The following PRKG1 variants were observed in gnomAD, a reference collection of about 807,000 sequenced individuals.
PRKG1 encodes cGMP-dependent protein kinase 1.
Under a neutral mutation model 88.1 loss-of-function variants are expected in PRKG1, and 35 were observed. The ratio of observed to expected loss-of-function variants is 0.40; its 90% CI spans 0.30 to 0.53. PRKG1 has a LOEUF of 0.53. Ranked by LOEUF, PRKG1 falls within the 20% of genes least tolerant of loss-of-function variation. The pLI, the probability that PRKG1 is intolerant of heterozygous loss-of-function variation, is 0.59. For synonymous variants in PRKG1, 303 were observed against 292.5 expected (o/e 1.04, Z -0.37); for missense variants, 540 against 839.8 (o/e 0.64, Z 4.41).
At chr10:51,923,387 A>G (rs1318332186) in intron 5 of PRKG1, among the ~76,000 whole-genome samples, 1 of 151,556 alleles carries the variant, frequency 6.6e-6, no homozygotes, top group Non-Finnish European at 1.5e-5. Context: ...TCAAATTTAA[A>G]GTAGTTATAG....
chr10:51,892,725 C>T (rs530532325), intron 4 of PRKG1, among the ~76,000 whole-genome samples: 54 of 152,292 alleles, frequency 3.5e-4, no homozygotes, highest in African/African-American at 1.1e-3. Context: ...AGATGATAAA[C>T]GTTCTGCAGT....
intron 3 of PRKG1, among the ~76,000 whole-genome samples, chr10:51,743,534 G>A (rs1225572481): frequency 1.3e-5 from 2 of 150,826 alleles, no homozygotes; most frequent in South Asian, 4.2e-4. Flanking sequence ...AGCCCAAGGT[G>A]GGATATATTT....
At chr10:51,719,491 C>T (rs1841963449) in intron 3 of PRKG1, among the ~76,000 whole-genome samples, 1 of 152,066 alleles carries the variant, frequency 6.6e-6, no homozygotes, top group Non-Finnish European at 1.5e-5. Flanking sequence ...ATTAATGTTC[C>T]TCAGAACTGT....
intron 3 of PRKG1, among the ~76,000 whole-genome samples, chr10:51,595,587 G>A (rs541982797): frequency 2.6e-5 from 4 of 151,836 alleles, no homozygotes; most frequent in Admixed American, 1.3e-4. Context: ...CTGAGATTGT[G>A]CCACTGCAGT....
chr10:52,121,270 T>C (rs1847814063), intron 7 of PRKG1, among the ~76,000 whole-genome samples: 1 of 152,164 alleles, frequency 6.6e-6, no homozygotes, highest in African/African-American at 2.4e-5. Flanking sequence ...CCTGAACATA[T>C]CTGAAATGCC....
chr10:52,042,285 A>G (rs1196340811), intron 5 of PRKG1, among the ~76,000 whole-genome samples: 1 of 152,232 alleles, frequency 6.6e-6, no homozygotes, highest in Non-Finnish European at 1.5e-5. Flanking sequence ...TTAAGCAAAA[A>G]GAACAAAGCT....
intron 3 of PRKG1, among the ~76,000 whole-genome samples, chr10:51,602,539 C>T (rs577536302): frequency 1.8e-4 from 28 of 151,896 alleles, no homozygotes; most frequent in South Asian, 1.0e-3. Flanking sequence ...TGACCTCCTG[C>T]GTCAGCCTCG....
At chr10:51,804,497 A>G in intron 3 of PRKG1, 88 bp from the exon 4 acceptor site, 1 of 837,510 alleles carries the variant, frequency 1.2e-6, no homozygotes, top group Non-Finnish European at 2.0e-6. Flanking sequence ...ATTCTCATGA[A>G]TAGCTCATCT....
At chr10:51,664,184 G>A (rs1422536935) in intron 3 of PRKG1, among the ~76,000 whole-genome samples, 2 of 151,978 alleles carry the variant, frequency 1.3e-5, no homozygotes, top group East Asian at 3.9e-4. Flanking sequence ...AATAATTTCA[G>A]GACCACTAAG....
At chr10:51,459,621 T>C (rs116404451) in intron 2 of PRKG1, among the ~76,000 whole-genome samples, 408 of 152,288 alleles carry the variant, frequency 2.7e-3, no homozygotes, top group African/African-American at 9.3e-3. Context: ...GATACTATTA[T>C]CCCAAATATG....
chr10:51,460,136 C>A (rs185013943), intron 2 of PRKG1, among the ~76,000 whole-genome samples: 6 of 152,140 alleles, frequency 3.9e-5, no homozygotes, highest in African/African-American at 1.4e-4. Flanking sequence ...TGCCAGAGGA[C>A]CCCCTGGTTG....
At chr10:51,013,796 G>C (rs979768860) in intron 1 of PRKG1, among the ~76,000 whole-genome samples, 2 of 152,224 alleles carry the variant, frequency 1.3e-5, no homozygotes, top group African/African-American at 4.8e-5. Flanking sequence ...AACAAGTTAA[G>C]TTATAAAGGA....
intron 10 of PRKG1, among the ~76,000 whole-genome samples, chr10:52,260,375 G>A (rs1434233893): frequency 6.6e-6 from 1 of 152,000 alleles, no homozygotes; most frequent in Admixed American, 6.6e-5. Context: ...TATTTCAAAA[G>A]TATAACTGCA....
chr10:51,104,503 C>T (rs1244743631), intron 1 of PRKG1, among the ~76,000 whole-genome samples: 1 of 152,002 alleles, frequency 6.6e-6, no homozygotes, highest in African/African-American at 2.4e-5. Flanking sequence ...ATTTTTGATG[C>T]TTCTGAATAA....
At chr10:51,629,382 A>G (rs1280809380) in intron 3 of PRKG1, among the ~76,000 whole-genome samples, 2 of 151,952 alleles carry the variant, frequency 1.3e-5, no homozygotes, top group African/African-American at 4.8e-5. Flanking sequence ...ATAATACAAT[A>G]GTTATACAAC....
chr10:51,043,977 A>G (rs1256204676), intron 1 of PRKG1, among the ~76,000 whole-genome samples: 1 of 152,200 alleles, frequency 6.6e-6, no homozygotes, highest in African/African-American at 2.4e-5. Flanking sequence ...AGTGCTTCAC[A>G]GGTACTAACT....
chr10:51,948,169 T>C (rs1226183246), intron 5 of PRKG1, among the ~76,000 whole-genome samples: 3 of 152,186 alleles, frequency 2.0e-5, no homozygotes, highest in East Asian at 3.9e-4. Flanking sequence ...CAAGTGCTAG[T>C]TCACCATGAT....
intron 2 of PRKG1, among the ~76,000 whole-genome samples, chr10:51,421,361 T>C (rs1456912792): frequency 6.6e-6 from 1 of 152,212 alleles, no homozygotes. Context: ...TTGTTTTTTG[T>C]AGAGATGTTA....
intron 3 of PRKG1, among the ~76,000 whole-genome samples, chr10:51,659,833 C>T (rs923450945): frequency 1.3e-5 from 2 of 152,034 alleles, no homozygotes; most frequent in African/African-American, 4.8e-5. Context: ...GAAATGTCTG[C>T]TTCCAACTAT....
Sources: gnomAD v4.1 joint callset for allele counts (sites outside exome capture counted in the v4.1 genomes callset) on GRCh38, gnomAD v4.1.1 for gene constraint, MANE v1.5 for transcripts, NCBI Gene and HGNC (gene_info 2026-07-23, HGNC 2026-07-21) for gene names.